Variants in SMOC2 observed in about 807,000 individuals in gnomAD.
The protein encoded by SMOC2 is SPARC-related modular calcium-binding protein 2.
SMOC2 carries 39 observed loss-of-function variants against 61.4 expected under a neutral mutation model. The observed-to-expected ratio is 0.64, with a 90% CI of 0.49 to 0.83. SMOC2 has a LOEUF of 0.83. SMOC2 is among the 40% of genes least tolerant of loss of function. The pLI is 0.00. For missense variants in SMOC2, 556 were observed against 592.9 expected (o/e 0.94, Z 0.65); for synonymous variants, 247 against 239.9 (o/e 1.03, Z -0.27).
At chr6:168,523,690 C>T (rs901901999) in intron 2 of SMOC2, among the ~76,000 whole-genome samples, 4 of 152,116 alleles carry the variant, frequency 2.6e-5, no homozygotes, top group African/African-American at 9.7e-5. Context: ...TCAACCTCCG[C>T]ACCTGGCCGT....
At chr6:168,459,011 TTACTA>T (rs2115000990) in intron 1 of SMOC2, among the ~76,000 whole-genome samples, 1 of 152,352 alleles carries the variant, frequency 6.6e-6, no homozygotes, top group South Asian at 2.1e-4. Context: ...TGAATAATGC[TTACTA>T]TATCCAGGGC....
chr6:168,571,016 A>C (rs979404594), intron 7 of SMOC2, among the ~76,000 whole-genome samples: 2 of 152,184 alleles, frequency 1.3e-5, no homozygotes, highest in African/African-American at 4.8e-5. Context: ...TATCTGAAGG[A>C]GGGGAGTTCA....
chr6:168,445,022 A>T (rs1781300046), intron 1 of SMOC2, among the ~76,000 whole-genome samples: 1 of 152,124 alleles, frequency 6.6e-6, no homozygotes, highest in African/African-American at 2.4e-5. Context: ...TACTGCCAAT[A>T]CCTAACGCTC....
At chr6:168,530,112 A>C (rs1783554256) in intron 4 of SMOC2, among the ~76,000 whole-genome samples, 1 of 152,222 alleles carries the variant, frequency 6.6e-6, no homozygotes, top group African/African-American at 2.4e-5. Context: ...TTTGAAAATC[A>C]GACAATGAGA....
At position 168,444,502 on chromosome 6, in the gene SMOC2, G is replaced by C. The variant is rs1171905125; in HGVS notation, c.84+3048G>C. 1.1e-4 allele frequency among the ~76,000 whole-genome samples: 17 copies of C among 152,250 alleles called. 1 individual carries two copies. The highest frequency in any genetic ancestry group is 4.1e-4 in the African/African-American group (17 of 41,546). On this transcript the variant is annotated intron_variant, in intron 1 of 12. Coordinates refer to ENST00000356284, the MANE Select transcript of SMOC2 (RefSeq NM_001166412.2). ...TAGAAATGGCACCATGAGGCCCTCT[G>C]TGTCTCTCATTGTGACTTTCTGATG...
chr6:168,642,298 C>T (rs1350322773), intron 9 of SMOC2, among the ~76,000 whole-genome samples: 1 of 152,216 alleles, frequency 6.6e-6, no homozygotes, highest in Non-Finnish European at 1.5e-5. Context: ...TACAGCTCGG[C>T]GTCAGCCTCA....
rs536153773 is a variant in SMOC2 at position 168,444,745 on chromosome 6, C to T, written c.84+3291C>T. Among the ~76,000 whole-genome samples the T allele has an allele frequency of 1.2e-4, 18 of 152,270 alleles. No homozygotes were observed. The East Asian group carries it at 2.5e-3, about 21-fold the overall frequency. ...TCTAGTATAAATGGTTTTTATTACA[C>T]ATAATTCTGTTTTCAAAGAGCAAAC... On this transcript the variant is annotated intron_variant, in intron 1 of 12. Transcript: ENST00000356284.
rs376259453 is a variant in SMOC2 at position 168,497,039 on chromosome 6, C to T, written c.85-12876C>T. On this transcript the variant is annotated intron_variant, in intron 1 of 12. Coordinates refer to ENST00000356284, the MANE Select transcript of SMOC2 (RefSeq NM_001166412.2). ...AGAGGGCTAGAGGGGGCTCTGTGGCCCAGGCCCGCCCCTTCCTCTCAAAGC... is the reference window on the plus strand; with the variant it reads ...AGAGGGCTAGAGGGGGCTCTGTGGCTCAGGCCCGCCCCTTCCTCTCAAAGC... Among the ~76,000 whole-genome samples the T allele has an allele frequency of 4.6e-5, 7 of 152,324 alleles. No individual in the cohort carries two copies. The East Asian group carries it at 7.8e-4, about 17-fold the overall frequency.
At position 168,544,671 on chromosome 6, in the gene SMOC2, T is replaced by TCAAAAA. The variant is rs1464575606; in HGVS notation, c.511+1011_511+1016dup. Among the ~76,000 whole-genome samples, 1 of 152,112 alleles carries TCAAAAA rather than the reference T, an allele frequency of 6.6e-6. No individual in the cohort carries two copies. The highest frequency in any genetic ancestry group is 1.5e-5 in the Non-Finnish European group (1 of 68,022). On this transcript the variant is annotated intron_variant, in intron 5 of 12. Transcript: ENST00000356284. The surrounding 1 kb of genome is among the most constrained non-coding windows in gnomAD (Gnocchi z 4.1). ...CTGGGCAACAGAGTGAGATTCTGTC[T>TCAAAAA]CAAAAACAAAAACAAAATAATAAAA...
At chr6:168,599,534 ACC>A (rs1231060976) in intron 8 of SMOC2, among the ~76,000 whole-genome samples, 1 of 9,338 alleles carries the variant, frequency 1.1e-4, no homozygotes, top group African/African-American at 3.2e-4. Context: ...ACCCCCACAC[ACC>A]CACTCACACA....
intron 9 of SMOC2, among the ~76,000 whole-genome samples, chr6:168,629,465 C>T (rs997626318): frequency 6.6e-6 from 1 of 152,214 alleles, no homozygotes; most frequent in Non-Finnish European, 1.5e-5. Flanking sequence ...GATTGGGTGC[C>T]GGGCTGCCTG....
intron 1 of SMOC2, among the ~76,000 whole-genome samples, chr6:168,443,160 G>A (rs1256921286): frequency 6.6e-6 from 1 of 152,204 alleles, no homozygotes; most frequent in African/African-American, 2.4e-5. Flanking sequence ...CAGATTTTCT[G>A]AAAGCGCAAA....
chr6:168,566,100 A>G (rs980021679), intron 7 of SMOC2, among the ~76,000 whole-genome samples: 2 of 152,202 alleles, frequency 1.3e-5, no homozygotes, highest in Non-Finnish European at 2.9e-5. Context: ...ACTAAGAAAA[A>G]ATCCACGTCT....
At chr6:168,549,929 C>T (rs1450144099) in intron 7 of SMOC2, among the ~76,000 whole-genome samples, 1 of 152,116 alleles carries the variant, frequency 6.6e-6, no homozygotes. Context: ...TTAAAATCCT[C>T]CAAATTGTGT....
chr6:168,496,659 G>A (rs1782597994), intron 1 of SMOC2, among the ~76,000 whole-genome samples: 1 of 152,288 alleles, frequency 6.6e-6, no homozygotes, highest in Admixed American at 6.5e-5. Context: ...CCTGAGAGGT[G>A]TCAGGTGAAG....
chr6:168,607,425 C>A (rs917542489), intron 8 of SMOC2, among the ~76,000 whole-genome samples: 6 of 152,162 alleles, frequency 3.9e-5, no homozygotes, highest in African/African-American at 1.4e-4. Flanking sequence ...GGGACAGGCA[C>A]CCTGGTTCCC....
At chr6:168,529,922 G>GGGGGTTCAC (rs1279865419) in intron 4 of SMOC2, among the ~76,000 whole-genome samples, 1 of 152,218 alleles carries the variant, frequency 6.6e-6, no homozygotes, top group Non-Finnish European at 1.5e-5. Flanking sequence ...GCATACCCTT[G>GGGGGTTCAC]GGGGTTCACG....
At chr6:168,616,427 G>T (rs1201336406) in intron 9 of SMOC2, among the ~76,000 whole-genome samples, 1 of 152,188 alleles carries the variant, frequency 6.6e-6, no homozygotes, top group African/African-American at 2.4e-5. Flanking sequence ...CTGTGAGAGA[G>T]GATTTTTAAC....
chr6:168,480,594 A>G (rs1782184014), intron 1 of SMOC2, among the ~76,000 whole-genome samples: 1 of 152,070 alleles, frequency 6.6e-6, no homozygotes, highest in African/African-American at 2.4e-5. Context: ...TTTTTAATGG[A>G]AGAAAAGGCA....
Sources: gnomAD v4.1 joint callset for allele counts (sites outside exome capture counted in the v4.1 genomes callset) on GRCh38, gnomAD v4.1.1 for gene constraint, Gnocchi (gnomAD v3.1) non-coding constraint, MANE v1.5 for transcripts, NCBI Gene and HGNC (gene_info 2026-07-23, HGNC 2026-07-21) for gene names.